DMD: variants seen among roughly 807,000 people sequenced by gnomAD.
The protein encoded by DMD is mutant dystrophin.
A neutral mutation model predicts 330.1 loss-of-function variants in DMD; 63 were observed. The observed-to-expected ratio is 0.19, with a 90% CI of 0.16 to 0.24. The LOEUF (loss-of-function observed/expected upper bound fraction) is 0.24, where lower values mean the gene tolerates loss of function less well. Ranked by LOEUF, DMD falls within the 10% of genes least tolerant of loss-of-function variation. The pLI, the probability that DMD is intolerant of heterozygous loss-of-function variation, is 1.00. For missense variants in DMD, 3,344 were observed against 2,684.1 expected (o/e 1.25, Z -5.43); for synonymous variants, 1,223 against 959.8 (o/e 1.27, Z -5.07).
chrX:33,129,275 A>C (rs907561601), intron 1 of DMD, among the ~76,000 whole-genome samples: 30 of 102,303 alleles, frequency 2.9e-4, no homozygotes, highest in African/African-American at 1.0e-3. Flanking sequence ...TAAGTTGTTA[A>C]AATGATTGAA....
At chrX:31,726,195 C>T (rs748950460) in intron 52 of DMD, among the ~76,000 whole-genome samples, 2 of 112,506 alleles carry the variant, frequency 1.8e-5, no homozygotes, top group East Asian at 5.6e-4. Flanking sequence ...TACCTGAATA[C>T]AACAGATACC....
chrX:32,948,113 GACACACACACAC>G (rs3083093), intron 2 of DMD, among the ~76,000 whole-genome samples: 3 of 95,979 alleles, frequency 3.1e-5, no homozygotes, highest in Non-Finnish European at 4.3e-5. Flanking sequence ...GAGAGAAACA[GACACACACACAC>G]ACACACACAC....
chrX:32,531,634 AT>A (rs2047486356), intron 17 of DMD, among the ~76,000 whole-genome samples: 1 of 111,727 alleles, frequency 9.0e-6, no homozygotes, highest in East Asian at 2.8e-4. Context: ...AAAGTTGAAG[AT>A]CTTCATTTAG....
At chrX:32,764,097 GT>G (rs367686108) in intron 7 of DMD, among the ~76,000 whole-genome samples, 5,520 of 102,754 alleles carry the variant, frequency 0.054, 337 homozygotes, top group African/African-American at 0.18. Flanking sequence ...TTAAGTTGAG[GT>G]TTTTTTTTTT....
chrX:32,829,303 T>G lies in DMD; in HGVS notation c.265-5916A>C, dbSNP rs183034591. ...CAACAGTACACCTTTAATAACCTAC[T>G]AAATGTTTTCTGAAGTAATCAGTCT... is the stretch of plus-strand genomic sequence containing the variant. On this transcript the variant is annotated intron_variant, in intron 4 of 78. Coordinates refer to ENST00000357033, the MANE Select transcript of DMD (RefSeq NM_004006.3). 3.3e-3 allele frequency among the ~76,000 whole-genome samples: 366 copies of G among 111,960 alleles called. 1 individual carries two copies. Among genetic ancestry groups the G allele is most frequent in the African/African-American group, 0.011 (343 of 30,951 alleles).
chrX:31,249,974 CTG>C (rs915231110), intron 63 of DMD, among the ~76,000 whole-genome samples: 5 of 111,194 alleles, frequency 4.5e-5, no homozygotes, highest in African/African-American at 1.6e-4. Flanking sequence ...CATCACATAA[CTG>C]AGGTTTAAAA....
chrX:32,928,586 C>T (rs763572802), intron 2 of DMD, among the ~76,000 whole-genome samples: 2 of 111,819 alleles, frequency 1.8e-5, no homozygotes, highest in Non-Finnish European at 3.8e-5. Flanking sequence ...GTTTTTCAAT[C>T]CGTTTCATCA....
chrX:32,637,372 T>C (rs2059170685), intron 11 of DMD, among the ~76,000 whole-genome samples: 1 of 112,077 alleles, frequency 8.9e-6, no homozygotes, highest in African/African-American at 3.2e-5. Flanking sequence ...ATATTTCTGA[T>C]TGGGAATTTT....
chrX:32,794,084 AAT>A (rs1201327760), intron 7 of DMD, among the ~76,000 whole-genome samples: 2 of 112,131 alleles, frequency 1.8e-5, no homozygotes, highest in Non-Finnish European at 3.8e-5. Context: ...CAAATCAATA[AAT>A]ATGACATATT....
At chrX:32,686,942 C>T (rs2062927366) in intron 9 of DMD, among the ~76,000 whole-genome samples, 1 of 111,613 alleles carries the variant, frequency 9.0e-6, no homozygotes, top group Non-Finnish European at 1.9e-5. Context: ...GCTCTGTAAT[C>T]TTAGGTACAT....
chrX:31,343,947 C>T (rs969563705), intron 61 of DMD, among the ~76,000 whole-genome samples: 45 of 106,201 alleles, frequency 4.2e-4, no homozygotes, highest in Middle Eastern at 5.2e-3. Context: ...AAATACGTGA[C>T]TTCAGAGATG....
chrX:31,446,742 G>T (rs1351235019), intron 59 of DMD, among the ~76,000 whole-genome samples: 1 of 112,325 alleles, frequency 8.9e-6, no homozygotes, highest in Non-Finnish European at 1.9e-5. Flanking sequence ...TTAGAAAACA[G>T]ATTTCTTAAA....
rs746936686 is a variant in DMD at position 32,484,504 on chromosome X, C to T, written c.2803+415G>A. Among the ~76,000 whole-genome samples the T allele has an allele frequency of 1.4e-4, 16 of 112,061 alleles. No homozygotes were observed. In the South Asian group the frequency reaches 5.8e-3, roughly 41 times the overall value. On this transcript the variant is annotated intron_variant, in intron 21 of 78. Coordinates refer to ENST00000357033, the MANE Select transcript of DMD (RefSeq NM_004006.3). ...CTGAGTTTCAGTTGCCACATGTATGCTAAAGCTATAATACTCTTCAGATAA... is the reference window on the plus strand; with the variant it reads ...CTGAGTTTCAGTTGCCACATGTATGTTAAAGCTATAATACTCTTCAGATAA...
At chrX:31,284,566 C>CTTCTTCTTCTTCTTCTTCTTCTTCTTCT (rs2052924456) in intron 62 of DMD, among the ~76,000 whole-genome samples, 1 of 56,062 alleles carries the variant, frequency 1.8e-5, no homozygotes, top group African/African-American at 7.2e-5. Flanking sequence ...GTTTCTTCTT[C>CTTCTTCTTCTTCTTCTTCTTCTTCTTCT]TTCTTCTTCT....
intron 7 of DMD, among the ~76,000 whole-genome samples, chrX:32,708,675 G>A (rs1482212828): frequency 1.8e-5 from 2 of 111,421 alleles, no homozygotes; most frequent in African/African-American, 3.3e-5. Flanking sequence ...AATTAATCAC[G>A]TTTTATAATT....
intron 1 of DMD, among the ~76,000 whole-genome samples, chrX:33,321,968 G>T (rs1359537730): frequency 9.0e-6 from 1 of 111,710 alleles, no homozygotes; most frequent in Non-Finnish European, 1.9e-5. Flanking sequence ...AGCCTTCGTA[G>T]AATTGAAGAG....
intron 1 of DMD, 31 bp from the exon 2 acceptor site, chrX:33,020,231 G>A (rs370127169): frequency 8.0e-6 from 8 of 1,000,606 alleles, no homozygotes; most frequent in Non-Finnish European, 1.1e-5. Context: ...ATAAAAGTTA[G>A]GAAGCAACTT....
rs773439038 is a variant in DMD, at chrX:31,882,276, A to T, written c.6913-6903T>A. Among the ~76,000 whole-genome samples the T allele has an allele frequency of 6.7e-4, 75 of 111,871 alleles. 1 individual carries two copies. The highest frequency in any genetic ancestry group is 1.2e-3 in the Non-Finnish European group (64 of 53,170). On this transcript the variant is annotated intron_variant, in intron 47 of 78. Transcript: ENST00000357033. ...TATATAGCGTTTCCTAATTTATACG[A>T]TGGTGTCACTTAAGTTGGAAAAGGA...
intron 7 of DMD, among the ~76,000 whole-genome samples, chrX:32,738,836 G>C (rs1222675980): frequency 9.0e-6 from 1 of 111,665 alleles, no homozygotes; most frequent in Admixed American, 9.6e-5. Flanking sequence ...TCATAGAAAT[G>C]AATCTTTCAA....
Sources: gnomAD v4.1 joint callset for allele counts (sites outside exome capture counted in the v4.1 genomes callset) on GRCh38, gnomAD v4.1.1 for gene constraint, MANE v1.5 for transcripts, NCBI Gene and HGNC (gene_info 2026-07-23, HGNC 2026-07-21) for gene names.